The following NBAS variants were observed in gnomAD, a reference collection of about 807,000 sequenced individuals.
NBAS encodes the protein NBAS subunit of NRZ tethering complex.
NBAS carries 219 observed loss-of-function variants against 302.5 expected under a neutral mutation model. That is an observed-to-expected ratio of 0.72 (90% CI 0.65 to 0.81). NBAS has a LOEUF of 0.81. Ranked by LOEUF, NBAS falls within the 30% of genes least tolerant of loss-of-function variation. NBAS has a pLI of 0.00. For synonymous variants in NBAS, 1,118 were observed against 1,021.6 expected (o/e 1.09, Z -1.80); for missense variants, 2,932 against 2,841.6 (o/e 1.03, Z -0.72).
At chr2:15,469,559 T>C (rs1418381170) in intron 16 of NBAS, among the ~76,000 whole-genome samples, 1 of 152,076 alleles carries the variant, frequency 6.6e-6, no homozygotes, top group Non-Finnish European at 1.5e-5. Flanking sequence ...GCGACACTAC[T>C]CACAATAGCA....
chr2:15,064,051 T>C, the NBAS span, among the ~76,000 whole-genome samples: 2 of 152,162 alleles, frequency 1.3e-5, no homozygotes, highest in Admixed American at 6.5e-5. Flanking sequence ...GCCCATTTAT[T>C]TGGTCTATAG....
chr2:15,216,137 GGGGGA>G (rs2147876545), intron 48 of NBAS, among the ~76,000 whole-genome samples: 1 of 152,168 alleles, frequency 6.6e-6, no homozygotes, highest in East Asian at 1.9e-4. Context: ...TAAAGGAGGA[GGGGGA>G]CACTCACTGA....
chr2:15,002,671 C>T, the NBAS span, among the ~76,000 whole-genome samples: 2 of 152,230 alleles, frequency 1.3e-5, no homozygotes, highest in Non-Finnish European at 2.9e-5. Context: ...AGGTCCCGAG[C>T]CCTGCCCGGC....
At chr2:15,411,353 A>AC (rs1260590003) in intron 25 of NBAS, among the ~76,000 whole-genome samples, 1 of 151,552 alleles carries the variant, frequency 6.6e-6, no homozygotes, top group African/African-American at 2.4e-5. Context: ...TCTAACTTCT[A>AC]CCCCTCTCTT....
chr2:15,413,891 G>A lies in NBAS; in HGVS notation c.2937+1655C>T, dbSNP rs74329905. On this transcript the variant is annotated intron_variant, in intron 25 of 51. Coordinates refer to ENST00000281513, the MANE Select transcript of NBAS (RefSeq NM_015909.4). The stretch of plus-strand genomic sequence containing the variant: ...TTCACATGTTTCAACAAAGGCAAAT[G>A]GCTGTATGTTTTGTTCAAAAGGCAC... Among the ~76,000 whole-genome samples the A allele has an allele frequency of 6.8e-3, 1,028 of 152,260 alleles. 11 individuals are homozygous for A. Among genetic ancestry groups the A allele is most frequent in the African/African-American group, 0.022 (927 of 41,524 alleles).
At chr2:15,458,506 T>G (rs1679350153) in intron 21 of NBAS, among the ~76,000 whole-genome samples, 2 of 152,088 alleles carry the variant, frequency 1.3e-5, no homozygotes, top group African/African-American at 4.8e-5. Flanking sequence ...GTCTGGGACC[T>G]CCCCCTTTTC....
chr2:15,244,779 GTGGAAAGAAGGC>G (rs1418800268), intron 44 of NBAS, among the ~76,000 whole-genome samples: 3 of 152,156 alleles, frequency 2.0e-5, no homozygotes, highest in African/African-American at 7.2e-5. Context: ...GTGTTCTGTG[GTGGAAAGAAGGC>G]TTGGTGAATA....
chr2:15,449,714 A>G (rs1464870303), intron 21 of NBAS, among the ~76,000 whole-genome samples: 1 of 152,176 alleles, frequency 6.6e-6, no homozygotes, highest in Non-Finnish European at 1.5e-5. Context: ...CCCAGCCAAT[A>G]GAGGCTGTTA....
chr2:14,789,407 A>G, the NBAS span, among the ~76,000 whole-genome samples: 1 of 152,122 alleles, frequency 6.6e-6, no homozygotes, highest in African/African-American at 2.4e-5. Context: ...AAATGCAGAA[A>G]TCACCTGTCT....
the NBAS span, among the ~76,000 whole-genome samples, chr2:14,985,113 G>A: frequency 6.6e-6 from 1 of 152,172 alleles, no homozygotes; most frequent in Non-Finnish European, 1.5e-5. Context: ...TCAGAGCAGA[G>A]GTAAATGTAC....
intron 6 of NBAS, among the ~76,000 whole-genome samples, chr2:15,539,873 C>G (rs1353871723): frequency 6.6e-6 from 1 of 152,008 alleles, no homozygotes; most frequent in Non-Finnish European, 1.5e-5. Context: ...CACACACACA[C>G]TCACACACAT....
the NBAS span, among the ~76,000 whole-genome samples, chr2:14,909,129 G>A: frequency 4.6e-5 from 7 of 151,938 alleles, no homozygotes; most frequent in Non-Finnish European, 8.8e-5. Context: ...TCAGGAGATC[G>A]AGACCACGGT....
chr2:15,062,510 C>A, the NBAS span, among the ~76,000 whole-genome samples: 6 of 152,158 alleles, frequency 3.9e-5, no homozygotes, highest in African/African-American at 7.2e-5. Context: ...AATGCTCGAA[C>A]CTCCAGATGA....
At chr2:15,556,594 A>G (rs1258679273) in intron 3 of NBAS, among the ~76,000 whole-genome samples, 189 bp downstream of exon 3, 2 of 152,196 alleles carry the variant, frequency 1.3e-5, no homozygotes, top group African/African-American at 4.8e-5. Flanking sequence ...GGGAACAAAA[A>G]CTACCCTAAG....
intron 21 of NBAS, among the ~76,000 whole-genome samples, chr2:15,456,592 T>C (rs1679257258): frequency 6.6e-6 from 1 of 152,216 alleles, no homozygotes. Flanking sequence ...CATTTATTCA[T>C]TCACTCAACA....
chr2:15,244,958 C>T (rs1004005235), intron 44 of NBAS, among the ~76,000 whole-genome samples: 54 of 152,026 alleles, frequency 3.6e-4, no homozygotes, highest in African/African-American at 1.2e-3. Flanking sequence ...GGCAATCACA[C>T]CCGATTTTCC....
At chr2:14,869,246 G>T in the NBAS span, among the ~76,000 whole-genome samples, 1 of 152,102 alleles carries the variant, frequency 6.6e-6, no homozygotes, top group African/African-American at 2.4e-5. Context: ...CATTCATTCT[G>T]CAGAGCTGCT....
At chr2:14,822,974 C>G in the NBAS span, among the ~76,000 whole-genome samples, 1 of 152,202 alleles carries the variant, frequency 6.6e-6, no homozygotes, top group Admixed American at 6.5e-5. Context: ...CAAACAGTGA[C>G]AGACCCAGGG....
intron 38 of NBAS, among the ~76,000 whole-genome samples, chr2:15,313,932 C>T (rs997619245): frequency 2.0e-5 from 3 of 152,186 alleles, no homozygotes; most frequent in Non-Finnish European, 2.9e-5. Context: ...ATTAACCACA[C>T]GTCACCTGGT....
Sources: gnomAD v4.1 joint callset for allele counts (sites outside exome capture counted in the v4.1 genomes callset) on GRCh38, gnomAD v4.1.1 for gene constraint, MANE v1.5 for transcripts, NCBI Gene and HGNC (gene_info 2026-07-23, HGNC 2026-07-21) for gene names.